The following WDR53 variants were observed in gnomAD, a reference collection of about 807,000 sequenced individuals.
WDR53 encodes the protein WD repeat-containing protein 53.
Under a neutral mutation model 21.3 loss-of-function variants are expected in WDR53, and 19 were observed. That is an observed-to-expected ratio of 0.89 (90% CI 0.62 to 1.31). The LOEUF (loss-of-function observed/expected upper bound fraction) is 1.31. Among genes scored for constraint, WDR53 ranks in the 50% most tolerant of loss-of-function variants. WDR53 has a pLI of 0.00. For missense variants in WDR53, 374 were observed against 423.2 expected (o/e 0.88, Z 1.02); for synonymous variants, 157 against 163.4 (o/e 0.96, Z 0.30).
At chr3:196,556,621 A>T (rs1238902358) in intron 3 of WDR53, among the ~76,000 whole-genome samples, 2 of 149,920 alleles carry the variant, frequency 1.3e-5, no homozygotes, top group African/African-American at 4.9e-5. Flanking sequence ...ACACCATTGC[A>T]CTCCAGCCTG....
chr3:196,554,905 T>C, intron 3 of WDR53, 98 bp from the exon 4 acceptor site: 1 of 1,002,180 alleles, frequency 1.0e-6, no homozygotes, highest in Non-Finnish European at 1.5e-6. Flanking sequence ...TAAAGTAGTC[T>C]GAGAATGAGC....
At position 196,561,043 on chromosome 3, in the gene WDR53, GA is replaced by G. The variant is rs1734789882; in HGVS notation, c.432del (p.Arg145GlyfsTer17). ...ACCAGGCTCTGAGGCCTCTGAGGCC[GA>G]AAAGCCACTGAGGAGCAGATATTGG... ...RHSNICSSVA[F>X]RPQRPQSLVS... On this transcript the variant is annotated frameshift_variant, in exon 3 of 4. Coordinates refer to ENST00000332629, the MANE Select transcript of WDR53 (RefSeq NM_182627.3). LOFTEE classifies it high-confidence loss of function. 6.2e-7 allele frequency: 1 copy of G among 1,614,028 alleles called. No individual in the cohort carries two copies. The highest frequency in any genetic ancestry group is 1.3e-5 in the African/African-American group (1 of 74,930).
At chr3:196,554,932 A>C in intron 3 of WDR53, 125 bp from the exon 4 acceptor site, 1 of 751,380 alleles carries the variant, frequency 1.3e-6, no homozygotes, top group Non-Finnish European at 2.2e-6. Flanking sequence ...GCACGTTCTC[A>C]GCAGTATTAA....
chr3:196,566,665 C>T (rs762204900), intron 2 of WDR53, among the ~76,000 whole-genome samples: 1 of 152,108 alleles, frequency 6.6e-6, no homozygotes, highest in East Asian at 1.9e-4. Flanking sequence ...CCGCCCGCTT[C>T]GGCCTCCCAA....
At chr3:196,557,871 G>C (rs369541951) in intron 3 of WDR53, among the ~76,000 whole-genome samples, 1 of 148,778 alleles carries the variant, frequency 6.7e-6, no homozygotes, top group Non-Finnish European at 1.5e-5. Context: ...TCAACCTCTC[G>C]GGATCAAGCA....
chr3:196,565,247 T>A (rs1162575799), intron 2 of WDR53, among the ~76,000 whole-genome samples: 2 of 144,452 alleles, frequency 1.4e-5, no homozygotes, highest in Admixed American at 1.4e-4. Flanking sequence ...AATAAATAAC[T>A]GTTACTGGGA....
At chr3:196,560,898 A>T (rs1460538178) in intron 3 of WDR53, 98 bp downstream of exon 3, 1 of 1,476,110 alleles carries the variant, frequency 6.8e-7, no homozygotes, top group Non-Finnish European at 9.1e-7. Flanking sequence ...TGTTAGTAGA[A>T]AACAGAAAAA....
intron 3 of WDR53, among the ~76,000 whole-genome samples, chr3:196,556,777 C>T (rs1443105872): frequency 6.6e-6 from 1 of 152,128 alleles, no homozygotes; most frequent in African/African-American, 2.4e-5. Flanking sequence ...TATGAATGGA[C>T]TGTATTTTCT....
chr3:196,560,102 A>T (rs1472648826), intron 3 of WDR53, among the ~76,000 whole-genome samples: 1 of 152,166 alleles, frequency 6.6e-6, no homozygotes, highest in Non-Finnish European at 1.5e-5. Flanking sequence ...TTCTCTTATG[A>T]AGACCAGCAC....
intron 3 of WDR53, among the ~76,000 whole-genome samples, chr3:196,557,787 T>C (rs896200153): frequency 6.6e-6 from 1 of 150,716 alleles, no homozygotes; most frequent in Non-Finnish European, 1.5e-5. Flanking sequence ...TTCTTTTCTT[T>C]TTTTTTTTTT....
chr3:196,558,476 G>A (rs968744074), intron 3 of WDR53, among the ~76,000 whole-genome samples: 1 of 152,180 alleles, frequency 6.6e-6, no homozygotes, highest in Admixed American at 6.5e-5. Context: ...CAAAGTGCTG[G>A]GATCCCAGGC....
At chr3:196,558,153 G>A (rs1345417235) in intron 3 of WDR53, among the ~76,000 whole-genome samples, 1 of 152,070 alleles carries the variant, frequency 6.6e-6, no homozygotes, top group Non-Finnish European at 1.5e-5. Context: ...AGTCTCACGT[G>A]TCTTAAAGAA....
chr3:196,561,705 G>C (rs1269816527), intron 2 of WDR53, among the ~76,000 whole-genome samples: 3 of 151,852 alleles, frequency 2.0e-5, no homozygotes, highest in Non-Finnish European at 2.9e-5. Context: ...AAATACTTCA[G>C]TGGGCTTCCT....
chr3:196,561,137 G>A lies in WDR53; in HGVS notation c.339C>T (p.Asp113=), dbSNP rs760639220. 21 of 1,614,186 alleles carry A rather than the reference G, an allele frequency of 1.3e-5. No individual in the cohort carries two copies. In the Middle Eastern group the frequency reaches 6.6e-4, roughly 51 times the overall value. ...NQTENLLASA[D]DSGAIKILDL... ...CTAGGATTTTGATTGCCCCAGAGTC[G>A]TCAGCAGAAGCCAGCAGGTTTTCCG... is the stretch of plus-strand genomic sequence containing the variant. Residue 113 remains aspartate, a synonymous_variant, in exon 3 of 4, where the codon GAC becomes GAT. Transcript: ENST00000332629.
At chr3:196,559,579 G>C (rs544352622) in intron 3 of WDR53, among the ~76,000 whole-genome samples, 1 of 152,230 alleles carries the variant, frequency 6.6e-6, no homozygotes, top group South Asian at 2.1e-4. Context: ...CTAGCCAAGA[G>C]GGTGGAAGTC....
chr3:196,566,136 CTGGAG>C (rs773968575), intron 2 of WDR53, among the ~76,000 whole-genome samples: 8 of 152,016 alleles, frequency 5.3e-5, no homozygotes, highest in Non-Finnish European at 1.2e-4. Context: ...GTTACCCATA[CTGGAG>C]TGTAGTGGCC....
chr3:196,557,393 A>T (rs1734425370), intron 3 of WDR53, among the ~76,000 whole-genome samples: 1 of 152,148 alleles, frequency 6.6e-6, no homozygotes, highest in East Asian at 1.9e-4. Context: ...AAAAATAAAA[A>T]AAATTAGCTG....
At chr3:196,560,881 A>G in intron 3 of WDR53, 115 bp downstream of exon 3, 2 of 1,309,860 alleles carry the variant, frequency 1.5e-6, no homozygotes, top group South Asian at 2.9e-5. Flanking sequence ...TTGTTCATAA[A>G]TGGATATGTT....
chr3:196,559,042 T>C (rs1330874651), intron 3 of WDR53, among the ~76,000 whole-genome samples: 2 of 152,226 alleles, frequency 1.3e-5, no homozygotes, highest in Non-Finnish European at 2.9e-5. Flanking sequence ...TGAATGCCCA[T>C]TCCTCATCTA....
Sources: allele counts gnomAD v4.1 joint callset (sites outside exome capture counted in the v4.1 genomes callset), GRCh38; gene constraint gnomAD v4.1.1; transcripts MANE v1.5; gene names NCBI Gene and HGNC (gene_info 2026-07-23, HGNC 2026-07-21).